SPAG16: variants seen among roughly 807,000 people sequenced by gnomAD.
The protein encoded by SPAG16 is sperm-associated antigen 16 protein.
A neutral mutation model predicts 80.4 loss-of-function variants in SPAG16; 86 were observed. The observed-to-expected ratio is 1.07, with a 90% confidence interval of 0.90 to 1.28. SPAG16 has a LOEUF of 1.28. Among genes scored for constraint, SPAG16 ranks in the 50% most tolerant of loss-of-function variants. The pLI, the probability that SPAG16 is intolerant of heterozygous loss-of-function variation, is 0.00. For missense variants in SPAG16, 870 were observed against 765.3 expected, an observed-to-expected ratio of 1.14 and a Z score of -1.61; for synonymous variants, 294 against 265.9, an observed-to-expected ratio of 1.11 and a Z score of -1.03.
chr2:213,797,052 A>G (rs199828220), intron 10 of SPAG16, among the ~76,000 whole-genome samples: 1 of 26,826 alleles, frequency 3.7e-5, no homozygotes, highest in East Asian at 1.6e-3. Context: ...AATTAAAATT[A>G]AAAAAAAAAA....
At chr2:213,487,927 C>A (rs1033550942) in intron 9 of SPAG16, among the ~76,000 whole-genome samples, 3 of 151,584 alleles carry the variant, frequency 2.0e-5, no homozygotes, top group African/African-American at 7.3e-5. Flanking sequence ...CATAAATATG[C>A]AATTCAGAAA....
intron 10 of SPAG16, among the ~76,000 whole-genome samples, chr2:213,522,341 C>A (rs2125852727): frequency 6.6e-6 from 1 of 152,266 alleles, no homozygotes; most frequent in African/African-American, 2.4e-5. Context: ...TAAAATTGTT[C>A]ATGTAGACAG....
intron 14 of SPAG16, among the ~76,000 whole-genome samples, chr2:214,120,686 C>T (rs1055960813): frequency 2.0e-5 from 3 of 151,896 alleles, no homozygotes; most frequent in Admixed American, 6.6e-5. Context: ...CCACAGGCAC[C>T]GCTTCTCAAT....
intron 15 of SPAG16, among the ~76,000 whole-genome samples, chr2:214,184,899 G>A (rs2057419737): frequency 6.6e-6 from 1 of 151,884 alleles, no homozygotes; most frequent in Admixed American, 6.6e-5. Context: ...AATTTAAGTA[G>A]TTTAATGACA....
intron 8 of SPAG16, among the ~76,000 whole-genome samples, chr2:213,373,786 T>C (rs2066759003): frequency 6.6e-6 from 1 of 152,200 alleles, no homozygotes; most frequent in Non-Finnish European, 1.5e-5. Flanking sequence ...ATTTACATAA[T>C]TGCATAAAAT....
At chr2:213,384,793 C>T (rs1442842701) in intron 9 of SPAG16, among the ~76,000 whole-genome samples, 3 of 152,152 alleles carry the variant, frequency 2.0e-5, no homozygotes, top group Admixed American at 6.5e-5. Flanking sequence ...TTCTTCTGGT[C>T]GTACAGATTG....
At chr2:213,438,277 C>T (rs1016574801) in intron 9 of SPAG16, among the ~76,000 whole-genome samples, 1 of 152,114 alleles carries the variant, frequency 6.6e-6, no homozygotes, top group African/African-American at 2.4e-5. Context: ...TTGATTGGCT[C>T]TGCTTAGGTC....
intron 10 of SPAG16, among the ~76,000 whole-genome samples, chr2:213,550,041 G>A (rs1355569407): frequency 6.6e-6 from 1 of 151,978 alleles, no homozygotes; most frequent in Non-Finnish European, 1.5e-5. Context: ...ATGCTTTTAA[G>A]TTTTTACATT....
intron 12 of SPAG16, among the ~76,000 whole-genome samples, chr2:213,996,328 G>T (rs1410910913): frequency 6.6e-6 from 1 of 152,088 alleles, no homozygotes; most frequent in Non-Finnish European, 1.5e-5. Context: ...TCTGATTTGT[G>T]CATTATGCAT....
chr2:213,464,083 C>T (rs75628433), intron 9 of SPAG16, among the ~76,000 whole-genome samples: 2,614 of 152,246 alleles, frequency 0.017, 72 homozygotes, highest in African/African-American at 0.059. Context: ...CATTTGTTTC[C>T]GTTCCTGCAG....
chr2:214,211,188 G>A (rs934662716), intron 15 of SPAG16, among the ~76,000 whole-genome samples: 8 of 152,088 alleles, frequency 5.3e-5, no homozygotes, highest in Non-Finnish European at 1.0e-4. Context: ...CCCTACATTT[G>A]AATGTATTAG....
intron 15 of SPAG16, among the ~76,000 whole-genome samples, chr2:214,395,989 A>C (rs774630269): frequency 2.0e-5 from 3 of 152,178 alleles, no homozygotes; most frequent in African/African-American, 4.8e-5. Flanking sequence ...TGCAATGAAC[A>C]CACGTGTGCA....
chr2:213,808,904 C>T (rs1488585445), intron 10 of SPAG16, among the ~76,000 whole-genome samples: 1 of 151,910 alleles, frequency 6.6e-6, no homozygotes, highest in Non-Finnish European at 1.5e-5. Flanking sequence ...GGAGTTGTCT[C>T]AAGTTGGGCT....
chr2:214,128,568 C>T (rs1331727573), intron 14 of SPAG16, among the ~76,000 whole-genome samples: 2 of 151,814 alleles, frequency 1.3e-5, no homozygotes, highest in African/African-American at 4.8e-5. Flanking sequence ...TGAAAACACT[C>T]CAAAGAAATA....
intron 10 of SPAG16, among the ~76,000 whole-genome samples, chr2:213,667,933 CTATTTATT>C (rs368610907): frequency 0.019 from 2,885 of 150,592 alleles, 84 homozygotes; most frequent in African/African-American, 0.066. Context: ...AAAAATTCTA[CTATTTATT>C]TATTTATTTA....
intron 11 of SPAG16, among the ~76,000 whole-genome samples, chr2:213,878,646 C>G (rs1038423643): frequency 1.3e-5 from 2 of 152,102 alleles, no homozygotes. Context: ...TGTGCAGAAG[C>G]TTTTCAGTTT....
chr2:213,549,876 C>G (rs116499233), intron 10 of SPAG16, among the ~76,000 whole-genome samples: 2 of 151,990 alleles, frequency 1.3e-5, no homozygotes, highest in Non-Finnish European at 2.9e-5. Context: ...TTGTGCTTTA[C>G]TTGGATATTT....
chr2:213,442,753 T>C (rs902853640), intron 9 of SPAG16, among the ~76,000 whole-genome samples: 1 of 152,108 alleles, frequency 6.6e-6, no homozygotes, highest in Non-Finnish European at 1.5e-5. Flanking sequence ...TATATCTTTA[T>C]AAAAATGAGC....
Position 213,957,273 on chromosome 2 carries a change from G to A in SPAG16, c.1400+27128G>A, listed in dbSNP as rs367809598. Among the ~76,000 whole-genome samples, 266 of 152,190 alleles carry A rather than the reference G, an allele frequency of 1.7e-3. 4 individuals carry two copies. The highest frequency in any genetic ancestry group is 6.8e-3 in the Middle Eastern group (2 of 294). ...TCTCCATTCAATTTTGTTAGTTTTT[G>A]CTGGTCAGACCATTGATGGTCTGTT... On this transcript the variant is annotated intron_variant, in intron 12 of 15. Transcript: ENST00000331683.
Sources: gnomAD v4.1 joint callset for allele counts (sites outside exome capture counted in the v4.1 genomes callset) on GRCh38, gnomAD v4.1.1 for gene constraint, MANE v1.5 for transcripts, NCBI Gene and HGNC (gene_info 2026-07-23, HGNC 2026-07-21) for gene names.